CAMK4: variants seen among roughly 807,000 people sequenced by gnomAD.
CAMK4 encodes calcium/calmodulin-dependent protein kinase type IV.
In CAMK4, 22 loss-of-function variants were observed where a neutral mutation model predicts 44.9. That is an observed-to-expected ratio of 0.49 (90% CI 0.35 to 0.70). The LOEUF (loss-of-function observed/expected upper bound fraction) is 0.70. Ranked by LOEUF, CAMK4 falls within the 30% of genes least tolerant of loss-of-function variation. The probability of loss-of-function intolerance (pLI) is 0.01; values close to 1 mark genes in which losing one functional copy is unlikely to be tolerated. For missense variants in CAMK4, 498 were observed against 586.8 expected, an observed-to-expected ratio of 0.85 and a Z score of 1.56; for synonymous variants, 218 against 215.4, an observed-to-expected ratio of 1.01 and a Z score of -0.11.
rs899788358 is a variant in CAMK4, at chr5:111,487,458, A to G, written c.*2992A>G. On this transcript the variant is annotated 3_prime_UTR_variant, in exon 11 of 11. Transcript: ENST00000282356. ...ATAAATAGGTAAAAATTAGAATAAT[A>G]TCGTGGTAGAAGTTAATTGTCCAGA... 1.3e-5 allele frequency: 2 copies of G among 152,168 alleles called. No homozygotes were observed. The highest frequency in any genetic ancestry group is 1.3e-4 in the Admixed American group (2 of 15,274). The allele number at this position is 152,168 out of a possible 1,614,324, so 9.4% of individuals were successfully genotyped here.
chr5:111,463,354 C>T (rs569252180), intron 7 of CAMK4, among the ~76,000 whole-genome samples: 2 of 152,212 alleles, frequency 1.3e-5, no homozygotes, highest in East Asian at 1.9e-4. Flanking sequence ...GGAGAGAATC[C>T]ACAGACCCTG....
Position 111,480,286 on chromosome 5 carries a change from A to ACACACACACACACC in CAMK4, c.828+1782_828+1783insACACACACACCCAC, listed in dbSNP as rs1163614814. Among the ~76,000 whole-genome samples, 482 of 148,960 alleles carry ACACACACACACACC rather than the reference A, an allele frequency of 3.2e-3. 8 individuals are homozygous for ACACACACACACACC. Among genetic ancestry groups the ACACACACACACACC allele is most frequent in the Middle Eastern group, 0.014 (4 of 294 alleles). ...CACACACACACACACACACACACACACACCCCTGGGTAACTCTTATTCTCA... is the reference window on the plus strand; with the variant it reads ...CACACACACACACACACACACACACACACACACACACACCCACCCCTGGGTAACTCTTATTCTCA... On this transcript the variant is annotated intron_variant, in intron 9 of 10. Transcript: ENST00000282356.
chr5:111,355,486 T>TTCTATTTATTTATTTATTTA (rs1750300993), intron 2 of CAMK4, among the ~76,000 whole-genome samples: 3 of 146,822 alleles, frequency 2.0e-5, no homozygotes, highest in Admixed American at 6.8e-5. Context: ...TCTGCATTCT[T>TTCTATTTATTTATTTATTTA]TTTATTTATT....
chr5:111,465,833 C>G (rs897360780), intron 7 of CAMK4, among the ~76,000 whole-genome samples: 1 of 152,104 alleles, frequency 6.6e-6, no homozygotes, highest in Non-Finnish European at 1.5e-5. Context: ...AGAGGGAATC[C>G]TCCCTAAATC....
chr5:111,243,661 CTGTT>C (rs749364735), intron 1 of CAMK4, among the ~76,000 whole-genome samples: 1 of 152,074 alleles, frequency 6.6e-6, no homozygotes, highest in African/African-American at 2.4e-5. Context: ...TGTTTTTTGT[CTGTT>C]TGTTTTTGCA....
intron 1 of CAMK4, among the ~76,000 whole-genome samples, chr5:111,329,174 A>G (rs891824407): frequency 3.9e-5 from 6 of 151,934 alleles, no homozygotes; most frequent in Non-Finnish European, 8.8e-5. Flanking sequence ...ACAAAATTCA[A>G]CAACGCTTCA....
intron 9 of CAMK4, among the ~76,000 whole-genome samples, chr5:111,478,919 C>T (rs1247833265): frequency 6.6e-6 from 1 of 152,130 alleles, no homozygotes; most frequent in Non-Finnish European, 1.5e-5. Flanking sequence ...TCACTGTCAC[C>T]CAGGCTGGAG....
chr5:111,451,536 C>A (rs1034252458), intron 7 of CAMK4, among the ~76,000 whole-genome samples: 5 of 152,114 alleles, frequency 3.3e-5, no homozygotes, highest in African/African-American at 1.2e-4. Flanking sequence ...GATCCTCCAG[C>A]CTCGGCCTCC....
At chr5:111,478,125 T>G (rs1206224469) in intron 8 of CAMK4, among the ~76,000 whole-genome samples, 3 of 151,324 alleles carry the variant, frequency 2.0e-5, no homozygotes, top group African/African-American at 7.3e-5. Flanking sequence ...TATTACACAA[T>G]AATTATAATT....
At chr5:111,274,499 C>T (rs1468233510) in intron 1 of CAMK4, among the ~76,000 whole-genome samples, 2 of 152,118 alleles carry the variant, frequency 1.3e-5, no homozygotes, top group African/African-American at 2.4e-5. Flanking sequence ...CATTTTCTTT[C>T]TGATGGACAT....
At chr5:111,245,231 C>A (rs1244894944) in intron 1 of CAMK4, among the ~76,000 whole-genome samples, 2 of 152,084 alleles carry the variant, frequency 1.3e-5, no homozygotes, top group Non-Finnish European at 2.9e-5. Context: ...CTGCCAGCAC[C>A]CAATTTGCAT....
At chr5:111,389,904 A>G (rs181890813) in intron 4 of CAMK4, among the ~76,000 whole-genome samples, 3 of 151,794 alleles carry the variant, frequency 2.0e-5, no homozygotes, top group Admixed American at 1.3e-4. Context: ...ATCCACGTTT[A>G]GAGTAAAATG....
intron 7 of CAMK4, among the ~76,000 whole-genome samples, chr5:111,470,725 G>T (rs1298933993): frequency 6.6e-6 from 1 of 152,202 alleles, no homozygotes. Context: ...AGTTACTACT[G>T]TAAGGTAGAT....
rs149554729 is a variant in CAMK4, at chr5:111,335,047, C to G, written c.162-8977C>G. ...GAAGCATATCATTGCAGAGATCCAG[C>G]TGGAGCGGAGAAACATGGTAGTCAG... On this transcript the variant is annotated intron_variant, in intron 1 of 10. Transcript: ENST00000282356. Among the ~76,000 whole-genome samples, 5 of 151,564 alleles carry G rather than the reference C, an allele frequency of 3.3e-5. No homozygotes were observed. The East Asian group carries it at 7.8e-4, about 24-fold the overall frequency.
intron 1 of CAMK4, chr5:111,269,946 TG>T (rs1473682074): frequency 6.6e-6 from 1 of 152,216 alleles, no homozygotes; most frequent in African/African-American, 2.4e-5. Flanking sequence ...CTCCCAACAG[TG>T]GGAAAGTAAG....
At chr5:111,264,786 G>A (rs1024831218) in intron 1 of CAMK4, among the ~76,000 whole-genome samples, 1 of 152,080 alleles carries the variant, frequency 6.6e-6, no homozygotes, top group Admixed American at 6.5e-5. Flanking sequence ...CAGCATAGGT[G>A]GTGTTTTGCA....
chr5:111,426,505 C>A (rs1753230816), intron 5 of CAMK4, among the ~76,000 whole-genome samples: 1 of 151,902 alleles, frequency 6.6e-6, no homozygotes. Flanking sequence ...AAGTCAACAG[C>A]TATCTACACA....
At chr5:111,356,889 C>T (rs1166443843) in intron 2 of CAMK4, among the ~76,000 whole-genome samples, 2 of 151,896 alleles carry the variant, frequency 1.3e-5, no homozygotes, top group Non-Finnish European at 2.9e-5. Context: ...ATTTTGTTGC[C>T]TTTTAGAAAA....
intron 8 of CAMK4, among the ~76,000 whole-genome samples, chr5:111,476,978 T>C (rs1309109203): frequency 6.6e-6 from 1 of 152,196 alleles, no homozygotes; most frequent in Non-Finnish European, 1.5e-5. Flanking sequence ...AGGGGAAATA[T>C]AAGGAAACTC....
Sources: gnomAD v4.1 joint callset for allele counts (sites outside exome capture counted in the v4.1 genomes callset) on GRCh38, gnomAD v4.1.1 for gene constraint, MANE v1.5 for transcripts, NCBI Gene and HGNC (gene_info 2026-07-23, HGNC 2026-07-21) for gene names.